FNDC3B: variants seen among roughly 807,000 people sequenced by gnomAD.
FNDC3B encodes the protein fibronectin type III domain-containing protein 3B.
Under a neutral mutation model 151.5 loss-of-function variants are expected in FNDC3B, and 12 were observed. That is an observed-to-expected ratio of 0.08 (90% CI 0.05 to 0.13). The LOEUF (loss-of-function observed/expected upper bound fraction) is 0.13. Ranked by LOEUF, FNDC3B falls within the 10% of genes least tolerant of loss-of-function variation. The pLI, the probability that FNDC3B is intolerant of heterozygous loss-of-function variation, is 1.00. For synonymous variants in FNDC3B, 528 were observed against 549.0 expected (o/e 0.96, Z 0.54); for missense variants, 1,214 against 1,505.3 (o/e 0.81, Z 3.20).
chr3:172,052,642 G>A (rs1269231810), intron 1 of FNDC3B, among the ~76,000 whole-genome samples: 2 of 152,218 alleles, frequency 1.3e-5, no homozygotes, highest in Non-Finnish European at 2.9e-5. Flanking sequence ...ATAGGGCTGT[G>A]TGTTTGGAGA....
chr3:172,368,849 A>G (rs1353001185), intron 23 of FNDC3B, among the ~76,000 whole-genome samples: 1 of 152,166 alleles, frequency 6.6e-6, no homozygotes, highest in Non-Finnish European at 1.5e-5. Flanking sequence ...CGTCTCTACT[A>G]AAAATACAAA....
intron 1 of FNDC3B, among the ~76,000 whole-genome samples, chr3:172,071,547 T>A (rs1458639521): frequency 6.6e-6 from 1 of 152,208 alleles, no homozygotes; most frequent in Admixed American, 6.5e-5. Context: ...AATTTTTATT[T>A]TGTTAAAAAT....
chr3:172,309,339 G>A (rs1205435395), intron 10 of FNDC3B, among the ~76,000 whole-genome samples: 1 of 152,134 alleles, frequency 6.6e-6, no homozygotes, highest in Non-Finnish European at 1.5e-5. Flanking sequence ...ACTTACACAG[G>A]AGATAAGGCA....
chr3:172,277,252 T>C (rs1381247172), intron 6 of FNDC3B, among the ~76,000 whole-genome samples: 2 of 152,222 alleles, frequency 1.3e-5, no homozygotes, highest in African/African-American at 4.8e-5. Context: ...TTGCTATAAT[T>C]ATAGCAGCCT....
chr3:172,113,050 T>TATTTTCTCTGAATCTCCTTTGTCACTA (rs1720056824), intron 2 of FNDC3B, among the ~76,000 whole-genome samples: 1 of 152,172 alleles, frequency 6.6e-6, no homozygotes, highest in Non-Finnish European at 1.5e-5. Flanking sequence ...TCACGGTACT[T>TATTTTCTCTGAATCTCCTTTGTCACTA]ATTTTCTCTG....
intron 1 of FNDC3B, among the ~76,000 whole-genome samples, chr3:172,077,892 C>G (rs1274879830): frequency 1.3e-5 from 2 of 152,104 alleles, no homozygotes; most frequent in African/African-American, 4.8e-5. Flanking sequence ...ATAAAGCACA[C>G]AGAAAAGTGG....
rs769372154 is a variant in FNDC3B at position 172,362,836 on chromosome 3, G to A, written c.2999G>A (p.Arg1000Lys). ...GTGTACACACTACAGCTGGAGGACA[G>A]AAACAAGAGGTGAGGTGGGGGTGAG... is the stretch of plus-strand genomic sequence containing the variant. ...DIVYTLQLED[R>K]NKRFISIYRG... The change falls in exon 23 of 26, where the codon AGA becomes AAA. Residue 1000 changes from arginine to lysine, a missense_variant. Arg to Lys is a conservative substitution (Grantham distance 26). Around this residue, in one of 7 missense-constraint regions of FNDC3B, gnomAD observed 284 missense variants for 392.4 expected, o/e 0.72. Transcript: ENST00000415807. 1.2e-6 allele frequency: 2 copies of A among 1,612,768 alleles called. No individual in the cohort carries two copies. Among genetic ancestry groups the A allele is most frequent in the Non-Finnish European group, 1.7e-6 (2 of 1,179,240 alleles).
At chr3:172,374,080 G>T (rs1735006833) in intron 23 of FNDC3B, among the ~76,000 whole-genome samples, 1 of 152,208 alleles carries the variant, frequency 6.6e-6, no homozygotes, top group Admixed American at 6.5e-5. Context: ...TCACCAGTGT[G>T]TTCCAAGGAA....
intron 17 of FNDC3B, 125 bp downstream of exon 17, chr3:172,341,356 C>A: frequency 5.4e-6 from 4 of 747,346 alleles, no homozygotes; most frequent in Admixed American, 1.9e-5. Context: ...AGTATCATGT[C>A]AGGAAATGAA....
At chr3:172,318,411 C>G (rs545444631) in intron 11 of FNDC3B, among the ~76,000 whole-genome samples, 1 of 152,136 alleles carries the variant, frequency 6.6e-6, no homozygotes, top group Non-Finnish European at 1.5e-5. Context: ...GAGTTGGCCC[C>G]GTAGAAGATA....
intron 1 of FNDC3B, among the ~76,000 whole-genome samples, chr3:172,041,439 TTCCTTCCTTC>T (rs1716063466): frequency 3.5e-5 from 5 of 140,870 alleles, no homozygotes; most frequent in Non-Finnish European, 7.5e-5. Context: ...CCTTCCTTCC[TTCCTTCCTTC>T]CTTCTCTTCT....
chr3:172,238,539 C>A (rs1288588699), intron 4 of FNDC3B, among the ~76,000 whole-genome samples: 1 of 152,098 alleles, frequency 6.6e-6, no homozygotes, highest in Non-Finnish European at 1.5e-5. Flanking sequence ...TTTTGTTGCC[C>A]TAGAACATTC....
intron 9 of FNDC3B, among the ~76,000 whole-genome samples, chr3:172,305,277 T>G (rs576461301): frequency 1.1e-4 from 16 of 152,354 alleles, no homozygotes; most frequent in Middle Eastern, 3.4e-3. Flanking sequence ...AGATTTTGTT[T>G]CTTTAGTTTG....
chr3:172,390,694 A>G (rs1483818813), intron 25 of FNDC3B, among the ~76,000 whole-genome samples: 2 of 152,108 alleles, frequency 1.3e-5, no homozygotes, highest in African/African-American at 4.8e-5. Context: ...ATTTATATTC[A>G]CTTTCCAGAA....
chr3:172,358,422 T>C (rs904335452), intron 22 of FNDC3B, among the ~76,000 whole-genome samples: 1 of 152,258 alleles, frequency 6.6e-6, no homozygotes, highest in African/African-American at 2.4e-5. Flanking sequence ...GTTGCCATTG[T>C]TGTTTTCTTC....
chr3:172,295,277 C>A, intron 7 of FNDC3B, 86 bp from the exon 8 acceptor site: 1 of 1,284,100 alleles, frequency 7.8e-7, no homozygotes, highest in Non-Finnish European at 1.1e-6. Context: ...CTTGGATTAA[C>A]TGTGAGCCAG....
chr3:172,347,103 A>G (rs1465047040), intron 20 of FNDC3B, 109 bp from the exon 21 acceptor site: 3 of 929,370 alleles, frequency 3.2e-6, no homozygotes, highest in Non-Finnish European at 3.2e-6. Flanking sequence ...TGTATTTGAA[A>G]TATTCTGGGG....
intron 11 of FNDC3B, among the ~76,000 whole-genome samples, chr3:172,320,444 A>T (rs188166500): frequency 1.3e-5 from 2 of 152,174 alleles, no homozygotes; most frequent in Admixed American, 1.3e-4. Flanking sequence ...TCAAGAAAAC[A>T]TCAGGAGGAG....
intron 3 of FNDC3B, among the ~76,000 whole-genome samples, chr3:172,169,989 C>G (rs1412735302): frequency 2.0e-5 from 3 of 152,156 alleles, no homozygotes; most frequent in African/African-American, 7.2e-5. Context: ...GGTTTCTGTC[C>G]CGTCCTCTGC....
Sources: gnomAD v4.1 joint callset for allele counts (sites outside exome capture counted in the v4.1 genomes callset) on GRCh38, gnomAD v4.1.1 for gene constraint, gnomAD v4.1.1 regional missense constraint, MANE v1.5 for transcripts, NCBI Gene and HGNC (gene_info 2026-07-23, HGNC 2026-07-21) for gene names.